Variants in CCDC93 observed in about 807,000 individuals in gnomAD.
CCDC93 encodes the protein CCC complex scaffolding subunit CCDC93, also known as coiled-coil domain-containing protein 93.
A neutral mutation model predicts 108.2 loss-of-function variants in CCDC93; 61 were observed. The ratio of observed to expected loss-of-function variants is 0.56; its 90% CI spans 0.46 to 0.70. The LOEUF is 0.70. Ranked by LOEUF, CCDC93 falls within the 30% of genes least tolerant of loss-of-function variation. CCDC93 has a pLI of 0.00. For synonymous variants in CCDC93, 276 were observed against 260.4 expected (o/e 1.06, Z -0.58); for missense variants, 685 against 764.2 (o/e 0.90, Z 1.22).
chr2:117,990,820 AT>A (rs1044210698), intron 6 of CCDC93, among the ~76,000 whole-genome samples: 17 of 148,860 alleles, frequency 1.1e-4, no homozygotes, highest in South Asian at 1.1e-3. Flanking sequence ...GTACAATGCC[AT>A]TTTTTTTTTG....
chr2:117,999,840 ACT>A (rs1336022307), intron 4 of CCDC93: 1 of 152,154 alleles, frequency 6.6e-6, no homozygotes, highest in Non-Finnish European at 1.5e-5. Context: ...AATTTATATT[ACT>A]TTTTATTGTT....
chr2:117,965,755 C>A (rs1274081546), intron 11 of CCDC93, among the ~76,000 whole-genome samples: 4 of 152,100 alleles, frequency 2.6e-5, no homozygotes, highest in Non-Finnish European at 4.4e-5. Flanking sequence ...GTAACGCAAT[C>A]CCTGCCCCCT....
In CCDC93 at chr2:117,930,978, T is replaced by A; in HGVS notation, c.1842+59A>T. The A allele has an allele frequency of 5.2e-6, 6 of 1,154,134 alleles. No homozygotes were observed. The South Asian group carries it at 8.3e-5, about 16-fold the overall frequency. 71.5% of individuals were successfully genotyped at this position (1,154,134 alleles called of 1,614,324 possible). ...AAAACTGCTGTTTTTTAGTGGCTACTTTTGAGGTGAACATATATCTCACGT... is the reference window on the plus strand; with the variant it reads ...AAAACTGCTGTTTTTTAGTGGCTACATTTGAGGTGAACATATATCTCACGT... On this transcript the variant is annotated intron_variant, in intron 23 of 23. Coordinates refer to ENST00000376300, the MANE Select transcript of CCDC93 (RefSeq NM_019044.5).
At chr2:117,969,196 C>G (rs1679682547) in intron 11 of CCDC93, among the ~76,000 whole-genome samples, 1 of 152,176 alleles carries the variant, frequency 6.6e-6, no homozygotes, top group Non-Finnish European at 1.5e-5. Context: ...GGGAGATGCC[C>G]TCCCTTGCTA....
At chr2:117,941,345 T>C (rs148029346) in intron 18 of CCDC93, 48 bp from the exon 19 acceptor site, 320 of 1,481,132 alleles carry the variant, frequency 2.2e-4, no homozygotes, top group Non-Finnish European at 2.9e-4. Flanking sequence ...TAAAAGGCCT[T>C]ACATGTTCTC....
At chr2:117,998,235 G>C (rs983569078) in intron 4 of CCDC93, 2 of 152,154 alleles carry the variant, frequency 1.3e-5, no homozygotes, top group African/African-American at 4.8e-5. Context: ...GTGTGAACAC[G>C]GATGATGGGC....
intron 7 of CCDC93, among the ~76,000 whole-genome samples, chr2:117,979,782 C>A (rs1293001225): frequency 6.6e-6 from 1 of 152,190 alleles, no homozygotes; most frequent in Non-Finnish European, 1.5e-5. Context: ...ATGGCAGATT[C>A]TGTGGACTGG....
intron 23 of CCDC93, among the ~76,000 whole-genome samples, chr2:117,923,680 G>GCCTGCCTGCCTGCCTGCCTC (rs144602138): frequency 2.1e-5 from 3 of 145,212 alleles, no homozygotes; most frequent in African/African-American, 7.6e-5. Context: ...CTGCCTGCCT[G>GCCTGCCTGCCTGCCTGCCTC]CCTCTATAGA....
intron 23 of CCDC93, chr2:117,930,688 T>C (rs748172142): frequency 2.4e-4 from 40 of 166,780 alleles, no homozygotes; most frequent in Non-Finnish European, 3.9e-4. Context: ...CACCCTAAGA[T>C]TGGCAGGAAA....
At chr2:117,995,342 A>T in intron 6 of CCDC93, 104 bp downstream of exon 6, 1 of 896,930 alleles carries the variant, frequency 1.1e-6, no homozygotes, top group Non-Finnish European at 1.8e-6. Context: ...CTCCTAAGCG[A>T]TCCCCGTAGA....
chr2:117,957,946 C>G (rs928910190), intron 12 of CCDC93, among the ~76,000 whole-genome samples: 3 of 152,112 alleles, frequency 2.0e-5, no homozygotes, highest in Admixed American at 6.5e-5. Flanking sequence ...AAGTTAAGAT[C>G]CTTGACAGGA....
At chr2:118,003,845 A>C (rs564103493) in intron 3 of CCDC93, among the ~76,000 whole-genome samples, 1 of 152,336 alleles carries the variant, frequency 6.6e-6, no homozygotes, top group South Asian at 2.1e-4. Context: ...GTAGGGAAAG[A>C]AAGTGAGAAA....
chr2:117,977,934 G>A (rs539684003), intron 8 of CCDC93, 60 bp downstream of exon 8: 1 of 1,475,966 alleles, frequency 6.8e-7, no homozygotes, highest in South Asian at 1.1e-5. Context: ...GTTAGTCAGA[G>A]GTGAAGGGAG....
chr2:118,009,482 C>A (rs1231799129), intron 1 of CCDC93, among the ~76,000 whole-genome samples: 1 of 152,082 alleles, frequency 6.6e-6, no homozygotes, highest in African/African-American at 2.4e-5. Context: ...ACCAGCCTGG[C>A]CAACATGGCA....
At chr2:117,983,120 G>A (rs1317893638) in intron 7 of CCDC93, among the ~76,000 whole-genome samples, 1 of 152,180 alleles carries the variant, frequency 6.6e-6, no homozygotes, top group Admixed American at 6.5e-5. Context: ...CTACCACAGA[G>A]CAAGAGACTG....
intron 22 of CCDC93, among the ~76,000 whole-genome samples, chr2:117,932,115 A>G (rs933826991): frequency 3.9e-5 from 6 of 152,118 alleles, no homozygotes; most frequent in Non-Finnish European, 8.8e-5. Flanking sequence ...CTCTCTGAGG[A>G]CACTAGAGCA....
At chr2:117,968,226 G>A (rs1214551967) in intron 11 of CCDC93, among the ~76,000 whole-genome samples, 2 of 152,182 alleles carry the variant, frequency 1.3e-5, no homozygotes, top group African/African-American at 4.8e-5. Context: ...CAACTTCCCT[G>A]GCCCAGCTTC....
In CCDC93 at chr2:117,995,522, G is replaced by A. The variant is rs376484056; in HGVS notation, c.463-20C>T. The A allele has an allele frequency of 2.5e-6, 4 of 1,595,126 alleles. No individual in the cohort carries two copies. The highest frequency in any genetic ancestry group is 3.4e-6 in the Non-Finnish European group (4 of 1,163,362). ...ATCATCCTACAAGACAAAACAGAGC[G>A]ATTAAACAAATCCCAAGGGAAAATT... On this transcript the variant is annotated intron_variant, in intron 5 of 23. Transcript: ENST00000376300.
chr2:117,917,099 G>C lies in CCDC93; in HGVS notation c.*3244C>G, dbSNP rs1277606487. ...TTCAGAACAAGTGGTCAGGCTCAAA[G>C]TAACTGTGCTACTGCTAGATACCTA... On this transcript the variant is annotated 3_prime_UTR_variant, in exon 24 of 24. Transcript: ENST00000376300. The C allele has an allele frequency of 6.6e-6, 1 of 151,324 alleles. No individual in the cohort carries two copies. The highest frequency in any genetic ancestry group is 6.6e-5 in the Admixed American group (1 of 15,194). The allele number at this position is 151,324 out of a possible 1,614,324, so 9.4% of individuals were successfully genotyped here.
Sources: gnomAD v4.1 joint callset for allele counts (sites outside exome capture counted in the v4.1 genomes callset) on GRCh38, gnomAD v4.1.1 for gene constraint, MANE v1.5 for transcripts, NCBI Gene and HGNC (gene_info 2026-07-23, HGNC 2026-07-21) for gene names.